The following ZFP91 variants were observed in gnomAD, a reference collection of about 807,000 sequenced individuals.
The protein encoded by ZFP91 is E3 ubiquitin-protein ligase ZFP91.
Under a neutral mutation model 63.5 loss-of-function variants are expected in ZFP91, and 7 were observed. That is an observed-to-expected ratio of 0.11 (90% CI 0.06 to 0.21). The LOEUF is 0.21. ZFP91 is among the 10% of genes least tolerant of loss of function. The pLI is 1.00. For synonymous variants in ZFP91, 330 were observed against 272.1 expected (o/e 1.21, Z -2.10); for missense variants, 628 against 736.6 (o/e 0.85, Z 1.71).
At chr11:58,590,442 T>G (rs1186689358) in intron 2 of ZFP91, among the ~76,000 whole-genome samples, 1 of 152,200 alleles carries the variant, frequency 6.6e-6, no homozygotes, top group Non-Finnish European at 1.5e-5. Flanking sequence ...TGTTTTATAT[T>G]ATGGTGGTTG....
At position 58,619,321 on chromosome 11, in the gene ZFP91, A is replaced by C. The variant is rs993751665; in HGVS notation, c.*1615A>C. On this transcript the variant is annotated 3_prime_UTR_variant, in exon 11 of 11. Transcript: ENST00000316059. ...GAGAGAAAAGGTAGTGTTTTTGTAC[A>C]AGGTCATACCGCCAGAAGCCCCAAA... The C allele has an allele frequency of 6.6e-6, 1 of 152,222 alleles. No individual in the cohort carries two copies. Among genetic ancestry groups the C allele is most frequent in the Non-Finnish European group, 1.5e-5 (1 of 68,070 alleles). The allele number at this position is 152,222 out of a possible 1,614,324, so 9.4% of individuals were successfully genotyped here.
chr11:58,583,845 TTGTC>T (rs1333230588), intron 1 of ZFP91, among the ~76,000 whole-genome samples: 3 of 152,154 alleles, frequency 2.0e-5, no homozygotes, highest in Admixed American at 6.5e-5. Context: ...GCTTCTGTAT[TTGTC>T]TGGGTATTTA....
intron 2 of ZFP91, among the ~76,000 whole-genome samples, chr11:58,595,028 G>C (rs185008879): frequency 2.6e-5 from 4 of 152,272 alleles, no homozygotes; most frequent in Admixed American, 2.0e-4. Context: ...CCTTGCCGTG[G>C]TGCTTTCCAT....
At chr11:58,610,122 C>A in intron 3 of ZFP91, 83 bp downstream of exon 3, 2 of 1,522,652 alleles carry the variant, frequency 1.3e-6, no homozygotes, top group Admixed American at 1.8e-5. Flanking sequence ...GTGTTAACAG[C>A]TTAACTGTCA....
chr11:58,597,894 AGT>A (rs1855428685), intron 2 of ZFP91, among the ~76,000 whole-genome samples: 1 of 152,172 alleles, frequency 6.6e-6, no homozygotes, highest in South Asian at 2.1e-4. Flanking sequence ...AAGCACTTCC[AGT>A]ATCACTAGTG....
rs750414228 is a variant in ZFP91 at position 58,612,346 on chromosome 11, C to T, written c.908+18C>T. On this transcript the variant is annotated intron_variant, in intron 7 of 10. Transcript: ENST00000316059. ...AAAAGGAGGTGAGGAATTTTTACCC[C>T]TACTGTTTTACACCTTATTCCAGTA... 1.2e-6 allele frequency: 2 copies of T among 1,612,744 alleles called. No individual in the cohort carries two copies. The highest frequency in any genetic ancestry group is 1.7e-6 in the Non-Finnish European group (2 of 1,179,128).
intron 2 of ZFP91, among the ~76,000 whole-genome samples, chr11:58,604,954 A>G (rs896791288): frequency 1.3e-5 from 2 of 152,188 alleles, no homozygotes; most frequent in South Asian, 2.1e-4. Context: ...TGTGTAAACT[A>G]CCGATAAGAA....
rs536802539 is a variant in ZFP91, at chr11:58,579,629, A to G, written c.341+7A>G. The G allele has an allele frequency of 2.5e-4, 386 of 1,553,590 alleles. No homozygotes were observed. Among genetic ancestry groups the G allele is most frequent in the Non-Finnish European group, 3.1e-4 (355 of 1,156,516 alleles). On this transcript the variant is annotated splice_region_variant and intron_variant, in intron 1 of 10. Coordinates refer to ENST00000316059, the MANE Select transcript of ZFP91 (RefSeq NM_053023.5). ...AGAAGAGTCCGCGACTCCTGTGAGT[A>G]ACAGTCTTTCAGGCGGTGGGAAAGA...
At chr11:58,591,803 C>T (rs557853731) in intron 2 of ZFP91, among the ~76,000 whole-genome samples, 1 of 152,260 alleles carries the variant, frequency 6.6e-6, no homozygotes, top group East Asian at 1.9e-4. Context: ...AGCACTGCCA[C>T]TTCCATGATG....
chr11:58,614,253 C>T lies in ZFP91; in HGVS notation c.1012C>T (p.Leu338=), dbSNP rs1219249286. ...GCACCACATTAAATACCAGCATTTG[C>T]TGAAGAAGAAATATGTATGTCCCCA... is the stretch of plus-strand genomic sequence containing the variant. The part of the protein sequence containing the change: ...LQHHIKYQHL[L]KKKYVCPHPS... The change falls in exon 9 of 11, where the codon CTG becomes TTG. Residue 338 remains leucine, a synonymous_variant. Transcript: ENST00000316059. The T allele has an allele frequency of 1.9e-6, 3 of 1,606,788 alleles. No individual in the cohort carries two copies. Among genetic ancestry groups the T allele is most frequent in the Admixed American group, 3.4e-5 (2 of 59,380 alleles).
chr11:58,602,939 G>A lies in ZFP91; in HGVS notation c.371-6891G>A, dbSNP rs201543069. Among the ~76,000 whole-genome samples the A allele has an allele frequency of 1.1e-4, 16 of 152,048 alleles. No homozygotes were observed. In the East Asian group the frequency reaches 1.9e-3, roughly 18 times the overall value. ...GATTGCGGTGAGCCAAGATTGCGCC[G>A]TTGCACTCCAGCCTGGGCAACAAGA... On this transcript the variant is annotated intron_variant, in intron 2 of 10. Coordinates refer to ENST00000316059, the MANE Select transcript of ZFP91 (RefSeq NM_053023.5).
In ZFP91 at chr11:58,610,326, T is replaced by C. The variant is rs781758447; in HGVS notation, c.609T>C (p.Gly203=). ...TTGGAGAAGAGCATCAGTCTCCAGG[T>C]GGCATTAGGTAAAAAAAACATTAAT... is the stretch of plus-strand genomic sequence containing the variant. ...YDVGEEHQSP[G]GISSEEEEEE... Residue 203 remains glycine (G), a synonymous_variant, in exon 4 of 11, where the codon GGT becomes GGC. Transcript: ENST00000316059. The C allele has an allele frequency of 6.3e-7, 1 of 1,590,890 alleles. No homozygotes were observed. The highest frequency in any genetic ancestry group is 1.8e-5 in the Admixed American group (1 of 55,140).
At chr11:58,614,740 A>G (rs1438274684) in intron 9 of ZFP91, among the ~76,000 whole-genome samples, 2 of 152,182 alleles carry the variant, frequency 1.3e-5, no homozygotes, top group East Asian at 1.9e-4. Flanking sequence ...TCACATAGCT[A>G]GTTTTTAGGA....
intron 2 of ZFP91, among the ~76,000 whole-genome samples, chr11:58,597,337 A>G (rs529451463): frequency 1.3e-5 from 2 of 152,232 alleles, no homozygotes; most frequent in East Asian, 3.9e-4. Context: ...TCCCCACCTT[A>G]CTAATATAAT....
chr11:58,603,294 G>C (rs1355431753), intron 2 of ZFP91, among the ~76,000 whole-genome samples: 2 of 152,158 alleles, frequency 1.3e-5, no homozygotes, highest in African/African-American at 4.8e-5. Flanking sequence ...GAATTGTTTA[G>C]CAAAAAGGAG....
Position 58,579,537 on chromosome 11 carries a change from G to A in ZFP91, c.256G>A (p.Ala86Thr). 1 of 1,579,006 alleles carries A rather than the reference G, an allele frequency of 6.3e-7. No individual in the cohort carries two copies. Among genetic ancestry groups the A allele is most frequent in the South Asian group, 1.1e-5 (1 of 87,982 alleles). The change falls in exon 1 of 11, where the codon GCC (alanine) becomes ACC (threonine). Residue 86 changes from alanine to threonine, a missense_variant. Ala to Thr is a moderately conservative substitution (Grantham distance 58, BLOSUM62 0). Around this residue, in one of 3 missense-constraint regions of ZFP91, gnomAD observed 437 missense variants for 380.3 expected, o/e 1.15. Transcript: ENST00000316059. ...YPRRRRSSPS[A>T]RPPDVPGQQP... is the part of the protein sequence containing the mutation. The stretch of plus-strand genomic sequence containing the variant: ...CCGCCGGCGGAGGAGCAGCCCCAGC[G>A]CCAGGCCTCCCGACGTCCCCGGGCA...
At position 58,590,908 on chromosome 11, in the gene ZFP91, GT is replaced by G. The variant is rs1265672230; in HGVS notation, c.370+6036del. On this transcript the variant is annotated intron_variant, in intron 2 of 10. Coordinates refer to ENST00000316059, the MANE Select transcript of ZFP91 (RefSeq NM_053023.5). ...ACTGAAGGGCATTTGATATTTCTGG[GT>G]TTTTTTTTTTTCCTGAGATTACAGG... Among the ~76,000 whole-genome samples, 589 of 143,922 alleles carry G rather than the reference GT, an allele frequency of 4.1e-3. 4 individuals are homozygous for G. The highest frequency in any genetic ancestry group is 0.011 in the Middle Eastern group (3 of 276). 94.4% of individuals were successfully genotyped at this position (143,922 alleles called of 152,430 possible).
Position 58,617,530 on chromosome 11 carries a change from G to A in ZFP91, c.1537G>A (p.Glu513Lys). Residue 513 changes from glutamate to lysine, a missense_variant, in exon 11 of 11, where the codon GAA becomes AAA. By Grantham distance (56) the Glu-to-Lys change is moderately conservative. This residue lies in a region of ZFP91 where 115 missense variants were observed against 125.4 expected (regional missense o/e 0.92). Transcript: ENST00000316059. This position sits in a 1 kb window ranked among gnomAD's most constrained non-coding sequence, Gnocchi z 4.2. The stretch of plus-strand genomic sequence containing the variant: ...TGGAGAGTGCCTACTGTTAGAAGCT[G>A]AAGGGATGTCAAAGTCATACTGCAG... ...TSGECLLLEA[E>K]GMSKSYCSGT... 1 of 1,614,098 alleles carries A rather than the reference G, an allele frequency of 6.2e-7. No homozygotes were observed. The highest frequency in any genetic ancestry group is 1.3e-5 in the African/African-American group (1 of 75,042).
chr11:58,617,309 T>C lies in ZFP91; in HGVS notation c.1316T>C (p.Phe439Ser). 1 of 1,614,022 alleles carries C rather than the reference T, an allele frequency of 6.2e-7. No homozygotes were observed. The highest frequency in any genetic ancestry group is 1.1e-5 in the South Asian group (1 of 91,080). The part of the protein sequence containing the change: ...QFSCNICGKK[F>S]EKKDSVVAHK... ...TCTTGCAATATCTGTGGCAAAAAAT[T>C]TGAGAAGAAGGACAGCGTAGTGGCA... The change falls in exon 11 of 11, where the codon TTT becomes TCT. Residue 439 changes from phenylalanine (F) to serine (S), a missense_variant. Physicochemically the swap from Phe to Ser is radical, Grantham distance 155. Coordinates refer to ENST00000316059, the MANE Select transcript of ZFP91 (RefSeq NM_053023.5). This position sits in a 1 kb window ranked among gnomAD's most constrained non-coding sequence, Gnocchi z 4.2.
Sources: gnomAD v4.1 joint callset for allele counts (sites outside exome capture counted in the v4.1 genomes callset) on GRCh38, gnomAD v4.1.1 for gene constraint, gnomAD v4.1.1 regional missense constraint, Gnocchi (gnomAD v3.1) non-coding constraint, MANE v1.5 for transcripts, NCBI Gene and HGNC (gene_info 2026-07-23, HGNC 2026-07-21) for gene names.